Variants in DHX15 observed in about 807,000 individuals in gnomAD.
DHX15 encodes ATP-dependent RNA helicase DHX15.
A neutral mutation model predicts 94.4 loss-of-function variants in DHX15; 11 were observed. The ratio of observed to expected loss-of-function variants is 0.12; its 90% CI spans 0.07 to 0.19. The LOEUF (loss-of-function observed/expected upper bound fraction) is 0.19. DHX15 is among the 10% of genes least tolerant of loss of function. The probability of loss-of-function intolerance (pLI) is 1.00; values close to 1 mark genes in which losing one functional copy is unlikely to be tolerated. For synonymous variants in DHX15, 338 were observed against 329.9 expected, an observed-to-expected ratio of 1.02 and a Z score of -0.27; for missense variants, 304 against 988.5, an observed-to-expected ratio of 0.31 and a Z score of 9.29.
intron 1 of DHX15, among the ~76,000 whole-genome samples, chr4:24,582,967 A>G (rs1281715171): frequency 6.6e-6 from 1 of 152,194 alleles, no homozygotes; most frequent in African/African-American, 2.4e-5. Context: ...TTTGCTTTCT[A>G]TTGAATAATT....
At chr4:24,568,290 G>C (rs551530428) in intron 3 of DHX15, among the ~76,000 whole-genome samples, 1 of 152,188 alleles carries the variant, frequency 6.6e-6, no homozygotes, top group African/African-American at 2.4e-5. Context: ...CATTAGTTAA[G>C]TTCTTCCTAT....
Position 24,549,451 on chromosome 4 carries a change from T to C in DHX15, c.1081-429A>G, listed in dbSNP as rs531978718. ...GTCACGTATCACTAATGCAATTATA[T>C]GGAAGATTTGCTTCATTGTGCCTAA... On this transcript the variant is annotated intron_variant, in intron 5 of 13. Coordinates refer to ENST00000336812, the MANE Select transcript of DHX15 (RefSeq NM_001358.3). 5.9e-5 allele frequency among the ~76,000 whole-genome samples: 9 copies of C among 152,366 alleles called. No homozygotes were observed. The East Asian group carries it at 9.6e-4, about 16-fold the overall frequency.
At chr4:24,581,444 G>C (rs1224252767) in intron 1 of DHX15, among the ~76,000 whole-genome samples, 1 of 152,166 alleles carries the variant, frequency 6.6e-6, no homozygotes, top group Non-Finnish European at 1.5e-5. Context: ...AAATTTTATA[G>C]TTCATATTTT....
chr4:24,541,376 G>A (rs777144120), intron 8 of DHX15, among the ~76,000 whole-genome samples: 3 of 152,098 alleles, frequency 2.0e-5, no homozygotes, highest in South Asian at 2.1e-4. Flanking sequence ...AACTTTTGCA[G>A]TATCACAGTG....
At chr4:24,532,682 T>A (rs1178032491) in intron 12 of DHX15, among the ~76,000 whole-genome samples, 182 bp downstream of exon 12, 1 of 152,230 alleles carries the variant, frequency 6.6e-6, no homozygotes. Flanking sequence ...TGTTACTCAT[T>A]AAATACTTAA....
intron 5 of DHX15, among the ~76,000 whole-genome samples, chr4:24,553,997 T>C (rs1179293196): frequency 6.6e-6 from 1 of 151,972 alleles, no homozygotes; most frequent in Non-Finnish European, 1.5e-5. Flanking sequence ...GGAGAGTGGA[T>C]CACGAGGTCA....
chr4:24,536,094 T>C (rs1721191717), intron 11 of DHX15, among the ~76,000 whole-genome samples: 1 of 152,162 alleles, frequency 6.6e-6, no homozygotes, highest in Non-Finnish European at 1.5e-5. Context: ...TTTTTGCAAA[T>C]GGTACATTCC....
intron 6 of DHX15, among the ~76,000 whole-genome samples, chr4:24,547,456 C>T (rs1015371375): frequency 1.3e-5 from 2 of 152,126 alleles, no homozygotes; most frequent in Non-Finnish European, 2.9e-5. Flanking sequence ...ACAGCAAGAG[C>T]TCAGATGTGT....
chr4:24,527,962 T>A lies in DHX15; in HGVS notation c.2350A>T (p.Ile784Phe). The change falls in exon 14 of 14, where the codon ATT becomes TTT. Residue 784 changes from isoleucine to phenylalanine, a missense_variant. Ile to Phe is a conservative substitution (Grantham distance 21, BLOSUM62 0). Coordinates refer to ENST00000336812, the MANE Select transcript of DHX15 (RefSeq NM_001358.3). ...CEAKRQLDRIIAKLQSKEYSQ... is the reference protein window; with the variant it reads ...CEAKRQLDRIFAKLQSKEYSQ... Reference sequence around the variant, plus strand: ...TATTCCTTGGATTGAAGTTTGGCAATGATGCGGTCCAACTGTCTCTTTGCT... The same window carrying A: ...TATTCCTTGGATTGAAGTTTGGCAAAGATGCGGTCCAACTGTCTCTTTGCT... The A allele has an allele frequency of 1.2e-6, 2 of 1,614,046 alleles. No homozygotes were observed. Among genetic ancestry groups the A allele is most frequent in the Non-Finnish European group, 1.7e-6 (2 of 1,179,908 alleles).
rs1722082891 is a variant in DHX15 at position 24,569,854 on chromosome 4, T to C, written c.701+800A>G. Among the ~76,000 whole-genome samples, 4 of 152,172 alleles carry C rather than the reference T, an allele frequency of 2.6e-5. No individual in the cohort carries two copies. In the South Asian group the frequency reaches 8.3e-4, roughly 31 times the overall value. ...GGCATGATCAGAGCACACTGTAGCC[T>C]TGAACTCCTGGCCTCAAGCAATAAT... On this transcript the variant is annotated intron_variant, in intron 3 of 13. Coordinates refer to ENST00000336812, the MANE Select transcript of DHX15 (RefSeq NM_001358.3).
chr4:24,545,415 C>T (rs983339313), intron 6 of DHX15, among the ~76,000 whole-genome samples: 2 of 152,134 alleles, frequency 1.3e-5, no homozygotes, highest in Non-Finnish European at 2.9e-5. Context: ...TAATACTTAA[C>T]AATTCGCGGA....
intron 11 of DHX15, among the ~76,000 whole-genome samples, chr4:24,534,849 T>G (rs1364711099): frequency 6.6e-6 from 1 of 152,062 alleles, no homozygotes; most frequent in Non-Finnish European, 1.5e-5. Context: ...ATTAATAACA[T>G]ACAACCATTT....
chr4:24,529,520 A>C, intron 13 of DHX15, 81 bp downstream of exon 13: 1 of 1,225,852 alleles, frequency 8.2e-7, no homozygotes, highest in Non-Finnish European at 1.2e-6. Context: ...AGTGAATGCA[A>C]GGCCATGACT....
chr4:24,569,574 A>G (rs1280590657), intron 3 of DHX15, among the ~76,000 whole-genome samples: 2 of 129,160 alleles, frequency 1.5e-5, no homozygotes, highest in African/African-American at 5.9e-5. Flanking sequence ...CCTGGGCAAC[A>G]GAGTGAGACT....
intron 4 of DHX15, among the ~76,000 whole-genome samples, 167 bp from the exon 5 acceptor site, chr4:24,555,110 A>G (rs1461695325): frequency 6.6e-6 from 1 of 152,064 alleles, no homozygotes; most frequent in Non-Finnish European, 1.5e-5. Context: ...GAACTATAGT[A>G]AAAGTTATTT....
intron 3 of DHX15, among the ~76,000 whole-genome samples, chr4:24,558,716 T>C (rs1721796707): frequency 6.6e-6 from 1 of 152,130 alleles, no homozygotes; most frequent in Admixed American, 6.5e-5. Context: ...ATACTGCTGT[T>C]TGTACAATGA....
intron 4 of DHX15, among the ~76,000 whole-genome samples, chr4:24,555,307 CAA>C (rs11379820): frequency 1.4e-5 from 2 of 139,738 alleles, no homozygotes; most frequent in Admixed American, 7.2e-5. Flanking sequence ...ACAGAAAATG[CAA>C]AAAAAAAAAA....
chr4:24,535,156 T>G (rs949946447), intron 11 of DHX15, among the ~76,000 whole-genome samples: 2 of 152,182 alleles, frequency 1.3e-5, no homozygotes, highest in Non-Finnish European at 2.9e-5. Context: ...ATGCATTTCT[T>G]GGGCAAACAA....
At chr4:24,538,417 C>G (rs1361880763) in intron 10 of DHX15, 1 of 152,004 alleles carries the variant, frequency 6.6e-6, no homozygotes, top group Non-Finnish European at 1.5e-5. Flanking sequence ...TTCATAAAAG[C>G]ACACAAACTT....
Sources: allele counts gnomAD v4.1 joint callset (sites outside exome capture counted in the v4.1 genomes callset), GRCh38; gene constraint gnomAD v4.1.1; transcripts MANE v1.5; gene names NCBI Gene and HGNC (gene_info 2026-07-23, HGNC 2026-07-21).